MSL2: variants seen among roughly 807,000 people sequenced by gnomAD.
The protein encoded by MSL2 is MSL complex subunit 2.
A neutral mutation model predicts 35.8 loss-of-function variants in MSL2; 2 were observed. The observed-to-expected ratio is 0.06, with a 90% CI of 0.02 to 0.18. The LOEUF (loss-of-function observed/expected upper bound fraction) is 0.18. Among genes scored for constraint, MSL2 ranks in the 10% least tolerant of loss-of-function variants. The pLI, the probability that MSL2 is intolerant of heterozygous loss-of-function variation, is 1.00. For synonymous variants in MSL2, 296 were observed against 255.7 expected (o/e 1.16, Z -1.50); for missense variants, 523 against 706.7 (o/e 0.74, Z 2.95).
intron 1 of MSL2, among the ~76,000 whole-genome samples, chr3:136,164,738 G>A (rs1369051584): frequency 6.6e-6 from 1 of 152,146 alleles, no homozygotes; most frequent in African/African-American, 2.4e-5. Flanking sequence ...TATACAACAG[G>A]AGGAAATATG....
rs899225168 is a variant in MSL2 at position 136,150,906 on chromosome 3, G to C, written c.*241C>G. ...AAAGTTCATTTTGTATAAATCAGTTGCATCAGCTTTGTTCTCAAACTATGA... is the reference window on the plus strand; with the variant it reads ...AAAGTTCATTTTGTATAAATCAGTTCCATCAGCTTTGTTCTCAAACTATGA... On this transcript the variant is annotated 3_prime_UTR_variant, in exon 2 of 2. Coordinates refer to ENST00000309993, the MANE Select transcript of MSL2 (RefSeq NM_018133.4). 6.4e-6 allele frequency: 3 copies of C among 469,416 alleles called. No homozygotes were observed. Among genetic ancestry groups the C allele is most frequent in the Non-Finnish European group, 1.1e-5 (3 of 262,538 alleles). The allele number at this position is 469,416 out of a possible 1,614,324, so 29.1% of individuals were successfully genotyped here. A position where few individuals can be genotyped will look rare whatever the true frequency, so the allele number is the denominator to read the frequency against.
In MSL2 at chr3:136,167,914, C is replaced by T. The variant is rs945165411; in HGVS notation, c.143-15176G>A. ...CAGCTATAAAATATGTGGCATCCTA[C>T]AAAAGACAGGAAACAGTTTTCCGCT... is the stretch of plus-strand genomic sequence containing the variant. On this transcript the variant is annotated intron_variant, in intron 1 of 1. Coordinates refer to ENST00000309993, the MANE Select transcript of MSL2 (RefSeq NM_018133.4). Among the ~76,000 whole-genome samples the T allele has an allele frequency of 2.6e-5, 4 of 152,232 alleles. No individual in the cohort carries two copies. In the East Asian group the frequency reaches 7.7e-4, roughly 29 times the overall value.
intron 1 of MSL2, among the ~76,000 whole-genome samples, chr3:136,153,436 T>G (rs1939430035): frequency 6.6e-6 from 1 of 152,208 alleles, no homozygotes; most frequent in African/African-American, 2.4e-5. Flanking sequence ...AAAAAAATTT[T>G]TTCAACCAGT....
chr3:136,196,086 C>A lies in MSL2; in HGVS notation c.-973G>T. On this transcript the variant is annotated 5_prime_UTR_variant, in exon 1 of 2. Transcript: ENST00000309993. ...AAGCGCTCACACCGCCAGGCCCCGC[C>A]GCCGCCCAGCGCACACAGCAAGGCC... 1 of 155,348 alleles carries A rather than the reference C, an allele frequency of 6.4e-6. No homozygotes were observed. The highest frequency in any genetic ancestry group is 1.8e-4 in the South Asian group (1 of 5,578). The allele number at this position is 155,348 out of a possible 1,614,324, so 9.6% of individuals were successfully genotyped here. A position where few individuals can be genotyped will look rare whatever the true frequency, so the allele number is the denominator to read the frequency against.
rs71157361 is a variant in MSL2, at chr3:136,159,354, C to CTTTTTTTTTT, written c.143-6626_143-6617dup. 2.6e-4 allele frequency among the ~76,000 whole-genome samples: 18 copies of CTTTTTTTTTT among 70,064 alleles called. 3 individuals are homozygous for CTTTTTTTTTT. The highest frequency in any genetic ancestry group is 9.4e-4 in the African/African-American group (17 of 18,014). The allele number at this position is 70,064 out of a possible 152,430, so 46.0% of individuals were successfully genotyped here. A position where few individuals can be genotyped will look rare whatever the true frequency, so the allele number is the denominator to read the frequency against. ...TTCAATGGGGAAAGGAGAGTACTTT[C>CTTTTTTTTTT]TTTTTTTTTTTTTTTTTTTTTTTTT... On this transcript the variant is annotated intron_variant, in intron 1 of 1. Transcript: ENST00000309993.
intron 1 of MSL2, among the ~76,000 whole-genome samples, chr3:136,186,576 A>T (rs1198425387): frequency 1.3e-5 from 2 of 152,208 alleles, no homozygotes; most frequent in African/African-American, 4.8e-5. Flanking sequence ...AGACTCTCAT[A>T]GGAGCACAAA....
At chr3:136,185,451 GGACACA>G (rs1168347136) in intron 1 of MSL2, among the ~76,000 whole-genome samples, 5 of 149,892 alleles carry the variant, frequency 3.3e-5, no homozygotes, top group African/African-American at 1.2e-4. Flanking sequence ...CTATAGATAT[GGACACA>G]AAAATCACCC....
chr3:136,175,713 T>C (rs956729979), intron 1 of MSL2, among the ~76,000 whole-genome samples: 1 of 152,128 alleles, frequency 6.6e-6, no homozygotes, highest in African/African-American at 2.4e-5. Flanking sequence ...AAGTCTGAGA[T>C]AGGGCCGGAA....
At chr3:136,176,172 A>G in intron 1 of MSL2, among the ~76,000 whole-genome samples, 1 of 152,178 alleles carries the variant, frequency 6.6e-6, no homozygotes, top group Non-Finnish European at 1.5e-5. Context: ...TCTTTGCCCA[A>G]TATAGTTGTG....
At chr3:136,162,446 G>A (rs535632521) in intron 1 of MSL2, among the ~76,000 whole-genome samples, 68 of 152,030 alleles carry the variant, frequency 4.5e-4, no homozygotes, top group African/African-American at 1.6e-3. Context: ...AGCCATGGAC[G>A]CTGGCACGCA....
At position 136,152,913 on chromosome 3, in the gene MSL2, G is replaced by A. The variant is rs1394260956; in HGVS notation, c.143-175C>T. On this transcript the variant is annotated intron_variant, in intron 1 of 1. Coordinates refer to ENST00000309993, the MANE Select transcript of MSL2 (RefSeq NM_018133.4). ...GGAAGAATCTTCAATTAGCTCGCTT[G>A]ATTTCATGCCATATTCCCCATTCAG... is the stretch of plus-strand genomic sequence containing the variant. The A allele has an allele frequency of 4.1e-6, 4 of 985,422 alleles. No homozygotes were observed. In the East Asian group the frequency reaches 3.4e-4, roughly 84 times the overall value. The allele number at this position is 985,422 out of a possible 1,614,324, so 61.0% of individuals were successfully genotyped here. A position where few individuals can be genotyped will look rare whatever the true frequency, so the allele number is the denominator to read the frequency against.
At chr3:136,154,294 A>G (rs1424912708) in intron 1 of MSL2, among the ~76,000 whole-genome samples, 1 of 152,246 alleles carries the variant, frequency 6.6e-6, no homozygotes, top group Non-Finnish European at 1.5e-5. Flanking sequence ...ACCATGGTTT[A>G]ATTATAAACC....
intron 1 of MSL2, among the ~76,000 whole-genome samples, chr3:136,167,611 T>G (rs1939886423): frequency 6.6e-6 from 1 of 152,150 alleles, no homozygotes; most frequent in Admixed American, 6.6e-5. Context: ...GAAGGAAAAT[T>G]AATGAAGACT....
At chr3:136,162,216 A>G (rs1264462738) in intron 1 of MSL2, among the ~76,000 whole-genome samples, 2 of 151,216 alleles carry the variant, frequency 1.3e-5, no homozygotes, top group Admixed American at 6.6e-5. Context: ...GATTACAGGC[A>G]TGAGCCACAA....
rs1939297093 is a variant in MSL2, at chr3:136,149,835, T to C, written c.*1312A>G. ...TAGAGATGGTGAACGTAGTAGAAAT[T>C]GGAAATTTTCCAGCAGTATTTTTCT... is the stretch of plus-strand genomic sequence containing the variant. On this transcript the variant is annotated 3_prime_UTR_variant, in exon 2 of 2. Transcript: ENST00000309993. 6.6e-6 allele frequency: 1 copy of C among 152,316 alleles called. No homozygotes were observed. Among genetic ancestry groups the C allele is most frequent in the Non-Finnish European group, 1.5e-5 (1 of 68,030 alleles). The allele number at this position is 152,316 out of a possible 1,614,324, so 9.4% of individuals were successfully genotyped here. A position where few individuals can be genotyped will look rare whatever the true frequency, so the allele number is the denominator to read the frequency against.
At chr3:136,183,966 G>C (rs1940438167) in intron 1 of MSL2, among the ~76,000 whole-genome samples, 2 of 152,170 alleles carry the variant, frequency 1.3e-5, no homozygotes, top group African/African-American at 4.8e-5. Context: ...CAGGTAATAA[G>C]ATTTCACAAA....
At chr3:136,188,979 G>A (rs999965087) in intron 1 of MSL2, among the ~76,000 whole-genome samples, 4 of 151,434 alleles carry the variant, frequency 2.6e-5, no homozygotes, top group African/African-American at 7.3e-5. Flanking sequence ...CCCTAAAGCA[G>A]TATCATCTTG....
chr3:136,195,421 C>A lies in MSL2; in HGVS notation c.-308G>T, dbSNP rs1940809709. 2 of 1,123,586 alleles carry A rather than the reference C, an allele frequency of 1.8e-6. No homozygotes were observed. Among genetic ancestry groups the A allele is most frequent in the African/African-American group, 1.7e-5 (1 of 60,246 alleles). The allele number at this position is 1,123,586 out of a possible 1,614,324, so 69.6% of individuals were successfully genotyped here. On this transcript the variant is annotated 5_prime_UTR_variant, in exon 1 of 2. Coordinates refer to ENST00000309993, the MANE Select transcript of MSL2 (RefSeq NM_018133.4). The stretch of plus-strand genomic sequence containing the variant: ...GGCGGCTTGGGCGCTCGGGGCGGGA[C>A]TCGGAGCTCAGTCTAGCCCCGCGGC...
At chr3:136,170,984 A>G (rs1184657290) in intron 1 of MSL2, among the ~76,000 whole-genome samples, 1 of 152,220 alleles carries the variant, frequency 6.6e-6, no homozygotes, top group Non-Finnish European at 1.5e-5. Flanking sequence ...TGTTTGAGAA[A>G]GTATTCTACT....
Sources: gnomAD v4.1 joint callset for allele counts (sites outside exome capture counted in the v4.1 genomes callset) on GRCh38, gnomAD v4.1.1 for gene constraint, MANE v1.5 for transcripts, NCBI Gene and HGNC (gene_info 2026-07-23, HGNC 2026-07-21) for gene names.